XRRA1: variants seen among roughly 807,000 people sequenced by gnomAD.
XRRA1 encodes the protein X-ray radiation resistance-associated protein 1.
Under a neutral mutation model 80.2 loss-of-function variants are expected in XRRA1, and 69 were observed. The observed-to-expected ratio is 0.86, with a 90% confidence interval of 0.71 to 1.05. The LOEUF (loss-of-function observed/expected upper bound fraction) is 1.05. Ranked by LOEUF, XRRA1 falls within the 50% of genes least tolerant of loss-of-function variation. The probability of loss-of-function intolerance (pLI) is 0.00; values close to 1 mark genes in which losing one functional copy is unlikely to be tolerated. For missense variants in XRRA1, 967 were observed against 976.4 expected, an observed-to-expected ratio of 0.99 and a Z score of 0.13; for synonymous variants, 348 against 389.9, an observed-to-expected ratio of 0.89 and a Z score of 1.27.
chr11:74,943,454 T>C (rs1240870730), intron 2 of XRRA1, among the ~76,000 whole-genome samples: 1 of 151,180 alleles, frequency 6.6e-6, no homozygotes, highest in East Asian at 2.0e-4. Flanking sequence ...CAAACACAAA[T>C]GGTTACAGAA....
intron 5 of XRRA1, among the ~76,000 whole-genome samples, chr11:74,933,040 C>T (rs1944023606): frequency 6.6e-6 from 1 of 152,112 alleles, no homozygotes; most frequent in African/African-American, 2.4e-5. Flanking sequence ...GCCTATAAGC[C>T]AATACAAAGA....
intron 15 of XRRA1, among the ~76,000 whole-genome samples, chr11:74,847,013 T>C (rs2038416622): frequency 6.6e-6 from 1 of 152,162 alleles, no homozygotes; most frequent in Admixed American, 6.5e-5. Context: ...CAAAACACCT[T>C]TATTATAATA....
Position 74,843,217 on chromosome 11 carries a change from TGGC to T in XRRA1, c.2383_2385del (p.Ala795del). ...GCACAGCTCTAGCCTTGTGAGTCAC[TGGC>T]TGTGGGCTCCTGGCAGAACTCATCC... is the stretch of plus-strand genomic sequence containing the variant. On this transcript the variant is annotated inframe_deletion, in exon 19 of 19. Transcript: ENST00000684022. 6.4e-7 allele frequency: 1 copy of T among 1,558,092 alleles called. No individual in the cohort carries two copies. The highest frequency in any genetic ancestry group is 8.7e-7 in the Non-Finnish European group (1 of 1,150,898).
intron 16 of XRRA1, among the ~76,000 whole-genome samples, chr11:74,844,767 C>A: frequency 6.6e-6 from 1 of 152,208 alleles, no homozygotes; most frequent in East Asian, 1.9e-4. Flanking sequence ...TCTGGGTGTT[C>A]ATTCATCACA....
intron 5 of XRRA1, 72 bp from the exon 6 acceptor site, chr11:74,930,444 C>A: frequency 8.2e-7 from 1 of 1,216,162 alleles, no homozygotes; most frequent in Non-Finnish European, 1.1e-6. Flanking sequence ...CTTGCTGAAG[C>A]TTCAGGGCCA....
chr11:74,942,557 G>T (rs1269834133), intron 2 of XRRA1, among the ~76,000 whole-genome samples: 2 of 152,176 alleles, frequency 1.3e-5, no homozygotes, highest in Non-Finnish European at 2.9e-5. Context: ...CAAATGCAGT[G>T]TTAGCACTTG....
Position 74,843,492 on chromosome 11 carries a change from C to T in XRRA1, c.2150-39G>A, listed in dbSNP as rs1330348117. The T allele has an allele frequency of 2.5e-6, 4 of 1,591,748 alleles. No homozygotes were observed. In the East Asian group the frequency reaches 9.1e-5, roughly 36 times the overall value. On this transcript the variant is annotated intron_variant, in intron 18 of 18. Transcript: ENST00000684022. ...AGCCAGGAGAGGCACCAAGCTCATCCTGGTTCTCACCTAGCCAGAAGCAAG... is the reference window on the plus strand; with the variant it reads ...AGCCAGGAGAGGCACCAAGCTCATCTTGGTTCTCACCTAGCCAGAAGCAAG...
chr11:74,929,346 C>T lies in XRRA1; in HGVS notation c.424+954G>A, dbSNP rs147981717. Among the ~76,000 whole-genome samples, 6 of 152,202 alleles carry T rather than the reference C, an allele frequency of 3.9e-5. No individual in the cohort carries two copies. The East Asian group carries it at 9.6e-4, about 24-fold the overall frequency. Reference sequence around the variant, plus strand: ...TTCTTGTCACAATCCTGGCTCAGGCCTCATCTCCCCTCCCCTGAAAACCTG... The same window carrying T: ...TTCTTGTCACAATCCTGGCTCAGGCTTCATCTCCCCTCCCCTGAAAACCTG... On this transcript the variant is annotated intron_variant, in intron 6 of 18. Coordinates refer to ENST00000684022, the MANE Select transcript of XRRA1 (RefSeq NM_001378157.1).
intron 10 of XRRA1, among the ~76,000 whole-genome samples, chr11:74,899,610 G>A (rs2053154069): frequency 6.6e-6 from 1 of 152,132 alleles, no homozygotes; most frequent in Non-Finnish European, 1.5e-5. Context: ...AGGATCATAA[G>A]TGGCTACTAT....
Position 74,844,257 on chromosome 11 carries a change from G to T in XRRA1, c.1954C>A (p.Gln652Lys). ...KGIQKNAQAL[Q>K]QMLKHPLLCH... ...AGGAGTGGGTGCTTCAGCATTTGTT[G>T]CAGGGCTTGTGCATTCTTCTGGATT... The change falls in exon 17 of 19, where the codon CAA becomes AAA. Residue 652 changes from glutamine (Q) to lysine (K), a missense_variant. Gln to Lys is a moderately conservative substitution (Grantham distance 53, BLOSUM62 1). Transcript: ENST00000684022. 6.2e-7 allele frequency: 1 copy of T among 1,613,392 alleles called. No individual in the cohort carries two copies. Among genetic ancestry groups the T allele is most frequent in the Non-Finnish European group, 8.5e-7 (1 of 1,179,822 alleles).
At chr11:74,849,247 C>G (rs2135486225) in intron 14 of XRRA1, among the ~76,000 whole-genome samples, 1 of 152,268 alleles carries the variant, frequency 6.6e-6, no homozygotes, top group Admixed American at 6.5e-5. Context: ...AGATTGCAAG[C>G]ACTGTAGTTA....
At position 74,843,137 on chromosome 11, in the gene XRRA1, A is replaced by G. The variant is rs368040724; in HGVS notation, c.*63T>C. 1.7e-5 allele frequency: 26 copies of G among 1,496,772 alleles called. No homozygotes were observed. The East Asian group carries it at 2.2e-4, about 13-fold the overall frequency. The allele number at this position is 1,496,772 out of a possible 1,614,324, so 92.7% of individuals were successfully genotyped here. On this transcript the variant is annotated 3_prime_UTR_variant, in exon 19 of 19. Transcript: ENST00000684022. ...TCAACCTTGAGGTGCGGTCCAGGGC[A>G]CAGAGCCCTCGGGGAGAGCTGGGGC...
At chr11:74,929,019 T>C (rs1942905235) in intron 6 of XRRA1, among the ~76,000 whole-genome samples, 1 of 152,162 alleles carries the variant, frequency 6.6e-6, no homozygotes, top group African/African-American at 2.4e-5. Flanking sequence ...TGAACACCTT[T>C]TCATATACCT....
chr11:74,944,109 G>T (rs988924124), intron 2 of XRRA1, among the ~76,000 whole-genome samples: 1 of 152,166 alleles, frequency 6.6e-6, no homozygotes, highest in Non-Finnish European at 1.5e-5. Flanking sequence ...AATAACTGCT[G>T]CTTTTGCTAA....
chr11:74,863,451 T>C (rs2042746000), intron 10 of XRRA1: 2 of 164,656 alleles, frequency 1.2e-5, no homozygotes. Flanking sequence ...AAAATGTATA[T>C]AGAAGACATT....
intron 10 of XRRA1, among the ~76,000 whole-genome samples, chr11:74,902,099 G>A (rs2053667376): frequency 6.6e-6 from 1 of 152,064 alleles, no homozygotes; most frequent in African/African-American, 2.4e-5. Flanking sequence ...CTAAAAAATG[G>A]GCAAAAGATC....
intron 10 of XRRA1, among the ~76,000 whole-genome samples, chr11:74,887,850 T>C (rs920920537): frequency 4.6e-5 from 7 of 151,896 alleles, no homozygotes; most frequent in Admixed American, 4.6e-4. Context: ...GATATCAAAC[T>C]GCAATGGGGC....
intron 6 of XRRA1, 76 bp from the exon 7 acceptor site, chr11:74,927,564 C>T (rs1942568323): frequency 3.9e-6 from 4 of 1,028,284 alleles, no homozygotes; most frequent in Non-Finnish European, 6.0e-6. Context: ...TTACCATTTA[C>T]TGTGTCCCTA....
chr11:74,926,215 G>C (rs1306182893), intron 7 of XRRA1, among the ~76,000 whole-genome samples: 1 of 152,170 alleles, frequency 6.6e-6, no homozygotes, highest in Non-Finnish European at 1.5e-5. Context: ...CTTTAAAAAT[G>C]CAAAGATATA....
Sources: allele counts gnomAD v4.1 joint callset (sites outside exome capture counted in the v4.1 genomes callset), GRCh38; gene constraint gnomAD v4.1.1; transcripts MANE v1.5; gene names NCBI Gene and HGNC (gene_info 2026-07-23, HGNC 2026-07-21).